GSE1: variants seen among roughly 807,000 people sequenced by gnomAD.
The protein encoded by GSE1 is Gse1 coiled-coil protein, also known as genetic suppressor element 1.
A neutral mutation model predicts 112.6 loss-of-function variants in GSE1; 32 were observed. The ratio of observed to expected loss-of-function variants is 0.28; its 90% CI spans 0.21 to 0.38. GSE1 has a LOEUF of 0.38. Ranked by LOEUF, GSE1 falls within the 10% of genes least tolerant of loss-of-function variation. GSE1 has a pLI of 1.00. For missense variants in GSE1, 2,348 were observed against 1,699.2 expected (o/e 1.38, Z -6.71); for synonymous variants, 1,115 against 735.6 (o/e 1.52, Z -8.35).
At position 85,481,467 on chromosome 16, in the gene GSE1, T is replaced by C. The variant is rs1011259417; in HGVS notation, c.2464+123824T>C. Among the ~76,000 whole-genome samples, 19 of 152,304 alleles carry C rather than the reference T, an allele frequency of 1.2e-4. No individual in the cohort carries two copies. In the East Asian group the frequency reaches 3.1e-3, roughly 25 times the overall value. On this transcript the variant is annotated intron_variant, in intron 2 of 2. Coordinates refer to the GSE1 transcript ENST00000637419. ...GTGGTAGGGAGAGAAGGGCAATCCA[T>C]GTAAGAGGAACCTTGCCAAGGAATT...
chr16:85,553,183 T>C (rs1441659723), upstream of GSE1, among the ~76,000 whole-genome samples: 2 of 133,070 alleles, frequency 1.5e-5, no homozygotes, highest in Non-Finnish European at 3.2e-5. Context: ...TCGCGGGTGA[T>C]AAATGGGTGG....
At chr16:85,207,073 C>A (rs1201844696) in intron 1 of GSE1, among the ~76,000 whole-genome samples, 3 of 152,230 alleles carry the variant, frequency 2.0e-5, no homozygotes, top group Non-Finnish European at 4.4e-5. Context: ...GCGGAGGGCT[C>A]TTGGTGATGG....
intron 2 of GSE1, among the ~76,000 whole-genome samples, chr16:85,527,305 T>C (rs1042375866): frequency 2.0e-5 from 3 of 152,130 alleles, no homozygotes; most frequent in African/African-American, 7.2e-5. Context: ...AGGCGGGTGA[T>C]TGATGAGAAG....
chr16:85,486,281 G>A (rs796866892), intron 2 of GSE1, among the ~76,000 whole-genome samples: 9 of 143,282 alleles, frequency 6.3e-5, no homozygotes, highest in African/African-American at 1.3e-4. Flanking sequence ...ACAGGTGGAC[G>A]CTGTCACCTG....
intron 1 of GSE1, among the ~76,000 whole-genome samples, chr16:85,176,033 G>C (rs545552275): frequency 6.6e-6 from 1 of 151,370 alleles, no homozygotes; most frequent in South Asian, 2.1e-4. Flanking sequence ...CTGTTGCCCA[G>C]GCTGGCGTGC....
chr16:85,384,985 C>T (rs768820322), intron 2 of GSE1, among the ~76,000 whole-genome samples: 3 of 152,274 alleles, frequency 2.0e-5, no homozygotes, highest in South Asian at 2.1e-4. Flanking sequence ...CTGCCCCGCC[C>T]GCCCTGGCCT....
chr16:85,170,711 C>G, exon 1 of GSE1: 3 of 985,682 alleles, frequency 3.0e-6, no homozygotes, highest in Non-Finnish European at 3.6e-6. Context: ...GCTCAGGCCC[C>G]GTTCTTCCCC....
chr16:85,340,718 C>G (rs1417782897), intron 1 of GSE1, among the ~76,000 whole-genome samples: 2 of 152,160 alleles, frequency 1.3e-5, no homozygotes, highest in African/African-American at 4.8e-5. Flanking sequence ...TGGTGCGTTC[C>G]TAGCTTGGGT....
chr16:85,288,390 T>A (rs1295206067), intron 1 of GSE1, among the ~76,000 whole-genome samples: 5 of 152,192 alleles, frequency 3.3e-5, no homozygotes, highest in Non-Finnish European at 7.3e-5. Flanking sequence ...CCTGGGCAGA[T>A]GGGCAAAGAG....
At chr16:85,648,244 G>C (rs993037393) in intron 2 of GSE1, among the ~76,000 whole-genome samples, 2 of 152,170 alleles carry the variant, frequency 1.3e-5, no homozygotes, top group African/African-American at 4.8e-5. Flanking sequence ...CCCTGCCCAG[G>C]CTCCTCCTGT....
intron 3 of GSE1, among the ~76,000 whole-genome samples, chr16:85,652,580 C>T (rs1387358511): frequency 1.3e-5 from 2 of 152,104 alleles, no homozygotes; most frequent in Non-Finnish European, 2.9e-5. Flanking sequence ...TCCAGTTAAT[C>T]CTCGCTGACT....
At chr16:85,671,389 G>A (rs1156779081) in intron 15 of GSE1, among the ~76,000 whole-genome samples, 9 of 135,788 alleles carry the variant, frequency 6.6e-5, no homozygotes, top group Non-Finnish European at 9.2e-5. Flanking sequence ...GCAGTGAGCC[G>A]AGATTGCGCC....
chr16:85,579,265 G>A (rs2046353388), intron 1 of GSE1, among the ~76,000 whole-genome samples: 1 of 152,118 alleles, frequency 6.6e-6, no homozygotes, highest in South Asian at 2.1e-4. Context: ...TTGGGGCGGG[G>A]CTTCTGCCTG....
At chr16:85,644,617 C>A (rs1184898239) in intron 2 of GSE1, among the ~76,000 whole-genome samples, 1 of 152,246 alleles carries the variant, frequency 6.6e-6, no homozygotes, top group East Asian at 1.9e-4. Context: ...ACAGGCCCTT[C>A]TTTAGAGACG....
intron 2 of GSE1, among the ~76,000 whole-genome samples, chr16:85,639,482 C>G (rs79395476): frequency 7.0e-6 from 1 of 143,566 alleles, no homozygotes; most frequent in South Asian, 2.1e-4. Context: ...TGACTCCCCT[C>G]TAAGCCTCCT....
intron 1 of GSE1, among the ~76,000 whole-genome samples, chr16:85,602,047 G>T (rs536918326): frequency 4.5e-4 from 68 of 152,324 alleles, no homozygotes; most frequent in Middle Eastern, 3.4e-3. Context: ...TGCAGTTCTA[G>T]AAGAAGCTCC....
At chr16:85,372,063 C>T (rs571384456) in intron 2 of GSE1, among the ~76,000 whole-genome samples, 1 of 152,288 alleles carries the variant, frequency 6.6e-6, no homozygotes, top group South Asian at 2.1e-4. Flanking sequence ...CTCCTAGTTC[C>T]CTTACCAGGT....
chr16:85,470,565 C>T (rs562427071), intron 2 of GSE1, among the ~76,000 whole-genome samples: 21 of 152,324 alleles, frequency 1.4e-4, no homozygotes, highest in African/African-American at 3.1e-4. Context: ...AACCTTCACC[C>T]GATGGGGCCA....
intron 1 of GSE1, among the ~76,000 whole-genome samples, chr16:85,340,460 T>TTC (rs2046601069): frequency 6.6e-6 from 1 of 152,112 alleles, no homozygotes; most frequent in Non-Finnish European, 1.5e-5. Context: ...GCCAACATGG[T>TTC]GAAACCCCAT....
Sources: allele counts gnomAD v4.1 joint callset (sites outside exome capture counted in the v4.1 genomes callset), GRCh38; gene constraint gnomAD v4.1.1; transcripts MANE v1.5; gene names NCBI Gene and HGNC (gene_info 2026-07-23, HGNC 2026-07-21).